Variants in DDX10 observed in about 807,000 individuals in gnomAD.
DDX10 encodes the protein DEAD-box helicase 10.
In DDX10, 74 loss-of-function variants were observed where a neutral mutation model predicts 104.3. The observed-to-expected ratio is 0.71, with a 90% CI of 0.59 to 0.86. The LOEUF (loss-of-function observed/expected upper bound fraction) is 0.86, where lower values mean the gene tolerates loss of function less well. Ranked by LOEUF, DDX10 falls within the 40% of genes least tolerant of loss-of-function variation. The probability of loss-of-function intolerance (pLI) is 0.00; values close to 1 mark genes in which losing one functional copy is unlikely to be tolerated. For synonymous variants in DDX10, 351 were observed against 353.4 expected (o/e 0.99, Z 0.08); for missense variants, 952 against 1,040.0 (o/e 0.92, Z 1.16).
intron 16 of DDX10, among the ~76,000 whole-genome samples, chr11:108,882,145 C>A (rs1292091440): frequency 6.6e-6 from 1 of 152,048 alleles, no homozygotes; most frequent in African/African-American, 2.4e-5. Context: ...GAAAAGCATC[C>A]CATCCTCCAT....
intron 13 of DDX10, among the ~76,000 whole-genome samples, chr11:108,832,749 C>T (rs1331017414): frequency 6.6e-6 from 1 of 152,138 alleles, no homozygotes; most frequent in African/African-American, 2.4e-5. Flanking sequence ...AAATATATTT[C>T]AAAATTTAAC....
At chr11:108,729,575 T>C (rs2094309532) in intron 13 of DDX10, among the ~76,000 whole-genome samples, 1 of 151,510 alleles carries the variant, frequency 6.6e-6, no homozygotes, top group Admixed American at 6.6e-5. Context: ...AAGAAATTGT[T>C]GCAGGCCTTT....
At chr11:108,926,312 A>G (rs572331687) in intron 17 of DDX10, among the ~76,000 whole-genome samples, 3 of 10,940 alleles carry the variant, frequency 2.7e-4, no homozygotes, top group Non-Finnish European at 5.4e-3. Context: ...AGTTAACTGG[A>G]TGATTTATGA....
At chr11:108,801,625 G>A (rs1470142572) in intron 13 of DDX10, among the ~76,000 whole-genome samples, 1 of 152,094 alleles carries the variant, frequency 6.6e-6, no homozygotes, top group African/African-American at 2.4e-5. Context: ...TCCCCAGAAA[G>A]CAATGACCCC....
intron 13 of DDX10, among the ~76,000 whole-genome samples, chr11:108,768,833 G>T (rs1368425037): frequency 6.6e-6 from 1 of 151,706 alleles, no homozygotes; most frequent in East Asian, 1.9e-4. Context: ...TTTAAAAATG[G>T]CATTTTGATT....
At chr11:108,743,431 A>G (rs867585994) in intron 13 of DDX10, among the ~76,000 whole-genome samples, 7 of 152,212 alleles carry the variant, frequency 4.6e-5, no homozygotes, top group African/African-American at 1.7e-4. Context: ...TACTGAATGG[A>G]CAAAAGCTGG....
In DDX10 at chr11:108,841,295, G is replaced by A. The variant is rs1862634009; in HGVS notation, c.2086-20G>A. The A allele has an allele frequency of 6.2e-7, 1 of 1,608,002 alleles. No homozygotes were observed. The highest frequency in any genetic ancestry group is 1.3e-5 in the African/African-American group (1 of 74,672). On this transcript the variant is annotated intron_variant, in intron 14 of 17. Transcript: ENST00000322536. The stretch of plus-strand genomic sequence containing the variant: ...GTATTCCCTACTTCCTGTTGACACT[G>A]ACCTTTTTTTTACCTGTAGTTGGTT...
At chr11:108,802,719 A>G (rs1862039200) in intron 13 of DDX10, among the ~76,000 whole-genome samples, 1 of 151,988 alleles carries the variant, frequency 6.6e-6, no homozygotes, top group African/African-American at 2.4e-5. Flanking sequence ...GTGTACTCTT[A>G]TTTTTTTCTG....
chr11:108,879,235 C>T (rs1370890138), intron 16 of DDX10, among the ~76,000 whole-genome samples: 3 of 152,096 alleles, frequency 2.0e-5, no homozygotes, highest in Non-Finnish European at 2.9e-5. Context: ...CTTCTGACCT[C>T]GTGATCTGCC....
chr11:108,856,667 A>T (rs1862874400), intron 16 of DDX10, among the ~76,000 whole-genome samples: 1 of 152,156 alleles, frequency 6.6e-6, no homozygotes, highest in Non-Finnish European at 1.5e-5. Context: ...CCTTTCATTT[A>T]TGAAATAATA....
intron 16 of DDX10, among the ~76,000 whole-genome samples, chr11:108,901,162 G>T (rs1219650866): frequency 6.6e-6 from 1 of 152,148 alleles, no homozygotes; most frequent in Non-Finnish European, 1.5e-5. Flanking sequence ...AATAATACAT[G>T]CCCCTGTGTT....
chr11:108,877,471 C>CT (rs1863168526), intron 16 of DDX10, among the ~76,000 whole-genome samples: 1 of 152,150 alleles, frequency 6.6e-6, no homozygotes, highest in Non-Finnish European at 1.5e-5. Context: ...CTCAATCACA[C>CT]TTAGAAGCCT....
In DDX10 at chr11:108,723,356, C is replaced by T. The variant is rs1339124663; in HGVS notation, c.1859C>T (p.Pro620Leu). 12 of 1,613,830 alleles carry T rather than the reference C, an allele frequency of 7.4e-6. No homozygotes were observed. Among genetic ancestry groups the T allele is most frequent in the East Asian group, 4.5e-5 (2 of 44,872 alleles). The change falls in exon 13 of 18, where the codon CCT becomes CTT. Residue 620 changes from proline to leucine, a missense_variant. This residue lies in a region of DDX10 where 533 missense variants were observed against 534.1 expected (regional missense o/e 1.00). Transcript: ENST00000322536. ...GAGGCACAGAAGATCAAGGAAGTTC[C>T]TACACAGTTCTTGGACAGAGATGAG... ...TSEAQKIKEV[P>L]TQFLDRDEEE...
intron 13 of DDX10, chr11:108,730,047 T>C (rs900732991): frequency 2.0e-5 from 3 of 153,088 alleles, no homozygotes; most frequent in African/African-American, 4.8e-5. Context: ...AGTTCCACTT[T>C]GGCAATTCAG....
intron 15 of DDX10, among the ~76,000 whole-genome samples, chr11:108,843,856 C>A (rs1447837764): frequency 1.3e-5 from 2 of 152,102 alleles, no homozygotes; most frequent in Non-Finnish European, 2.9e-5. Context: ...TAATTTTAAA[C>A]ATGTCCTTTC....
chr11:108,675,474 T>C (rs1041774758), intron 2 of DDX10, 122 bp from the exon 3 acceptor site: 8 of 1,039,556 alleles, frequency 7.7e-6, no homozygotes, highest in South Asian at 5.0e-5. Context: ...AGTATAGTTA[T>C]GTTCTGAGGT....
chr11:108,774,549 ATTG>A (rs2134530874), intron 13 of DDX10, among the ~76,000 whole-genome samples: 1 of 152,024 alleles, frequency 6.6e-6, no homozygotes, highest in South Asian at 2.1e-4. Context: ...TACCTGAGGT[ATTG>A]TTTTTTTTTC....
At chr11:108,754,585 TGTAA>T (rs1360432381) in intron 13 of DDX10, among the ~76,000 whole-genome samples, 3 of 152,140 alleles carry the variant, frequency 2.0e-5, no homozygotes, top group African/African-American at 4.8e-5. Context: ...TATGAAAAGA[TGTAA>T]GTGATTAAAA....
At chr11:108,710,402 TTACTC>T (rs764770583) in intron 10 of DDX10, among the ~76,000 whole-genome samples, 68 of 152,322 alleles carry the variant, frequency 4.5e-4, no homozygotes, top group African/African-American at 1.4e-3. Context: ...CTTTATATCT[TTACTC>T]TACAAGCTTT....
Sources: gnomAD v4.1 joint callset for allele counts (sites outside exome capture counted in the v4.1 genomes callset) on GRCh38, gnomAD v4.1.1 for gene constraint, gnomAD v4.1.1 regional missense constraint, MANE v1.5 for transcripts, NCBI Gene and HGNC (gene_info 2026-07-23, HGNC 2026-07-21) for gene names.